The following PRKCE variants were observed in gnomAD, a reference collection of about 807,000 sequenced individuals.
The protein encoded by PRKCE is protein kinase C epsilon.
Under a neutral mutation model 85.4 loss-of-function variants are expected in PRKCE, and 16 were observed. The ratio of observed to expected loss-of-function variants is 0.19; its 90% CI spans 0.13 to 0.28. The LOEUF (loss-of-function observed/expected upper bound fraction) is 0.28. Ranked by LOEUF, PRKCE falls within the 10% of genes least tolerant of loss-of-function variation. The pLI is 1.00. For missense variants in PRKCE, 573 were observed against 975.2 expected (o/e 0.59, Z 5.49); for synonymous variants, 388 against 371.5 (o/e 1.04, Z -0.51).
At chr2:45,660,683 T>G (rs908116246) in intron 1 of PRKCE, among the ~76,000 whole-genome samples, 4 of 152,214 alleles carry the variant, frequency 2.6e-5, no homozygotes, top group African/African-American at 9.6e-5. Context: ...CCTGCAATAT[T>G]TTACATAAAT....
intron 1 of PRKCE, among the ~76,000 whole-genome samples, chr2:45,727,679 G>T (rs1681194483): frequency 6.6e-6 from 1 of 152,070 alleles, no homozygotes; most frequent in Non-Finnish European, 1.5e-5. Flanking sequence ...TTTTAAGACG[G>T]AGTCTCGCTC....
chr2:46,010,322 G>C, intron 9 of PRKCE, 22 bp from the exon 10 acceptor site: 1 of 1,577,312 alleles, frequency 6.3e-7, no homozygotes, highest in Non-Finnish European at 8.6e-7. Flanking sequence ...ATAGATTGAT[G>C]GAGGCAATTG....
At chr2:46,099,688 G>A (rs548348057) in intron 11 of PRKCE, among the ~76,000 whole-genome samples, 4 of 152,236 alleles carry the variant, frequency 2.6e-5, no homozygotes, top group African/African-American at 9.6e-5. Flanking sequence ...TGACCCTACA[G>A]AGTTTCCATA....
At chr2:45,980,146 A>T (rs1283505492) in intron 4 of PRKCE, 150 bp from the exon 5 acceptor site, 8 of 628,536 alleles carry the variant, frequency 1.3e-5, no homozygotes, top group Non-Finnish European at 2.2e-5. Context: ...AAATAGCTGT[A>T]TAAAAGACTT....
intron 1 of PRKCE, among the ~76,000 whole-genome samples, chr2:45,705,067 C>T (rs879784300): frequency 3.9e-5 from 6 of 152,220 alleles, no homozygotes; most frequent in Non-Finnish European, 8.8e-5. Context: ...AAGTTTAAAA[C>T]TTACAAATGC....
intron 11 of PRKCE, among the ~76,000 whole-genome samples, chr2:46,087,780 G>A (rs1313303816): frequency 1.3e-5 from 2 of 152,190 alleles, no homozygotes; most frequent in South Asian, 2.1e-4. Context: ...AATCAGCCAG[G>A]CTGCATTCTG....
intron 6 of PRKCE, among the ~76,000 whole-genome samples, chr2:45,987,380 C>G (rs1703416382): frequency 6.6e-6 from 1 of 152,202 alleles, no homozygotes. Flanking sequence ...AGTGTGCAGA[C>G]TTTTACTCTT....
intron 10 of PRKCE, among the ~76,000 whole-genome samples, chr2:46,024,501 C>T (rs1294412133): frequency 6.6e-6 from 1 of 152,114 alleles, no homozygotes; most frequent in Non-Finnish European, 1.5e-5. Flanking sequence ...GTATGATATT[C>T]ACCTGGGATT....
chr2:45,871,541 GTC>G (rs1329393620), intron 2 of PRKCE, among the ~76,000 whole-genome samples: 1 of 152,182 alleles, frequency 6.6e-6, no homozygotes, highest in African/African-American at 2.4e-5. Flanking sequence ...CAGAAGAGCT[GTC>G]TCTTTTCTTT....
rs1574296924 is a variant in PRKCE, at chr2:46,035,862, A to C, written c.1437+25345A>C. Among the ~76,000 whole-genome samples, 2 of 152,340 alleles carry C rather than the reference A, an allele frequency of 1.3e-5. 1 individual carries two copies. The highest frequency in any genetic ancestry group is 4.1e-4 in the South Asian group (2 of 4,832). On this transcript the variant is annotated intron_variant, in intron 10 of 14. Coordinates refer to ENST00000306156, the MANE Select transcript of PRKCE (RefSeq NM_005400.3). ...CCTAAGTCCTTGAGATCCAGCAGAG[A>C]ACAAAAGAGCTGGAAACCTGTCCTC...
chr2:45,772,711 C>T (rs897466881), intron 1 of PRKCE, among the ~76,000 whole-genome samples: 1 of 152,032 alleles, frequency 6.6e-6, no homozygotes, highest in African/African-American at 2.4e-5. Context: ...ACATGCTCAG[C>T]ACCATTTAGG....
intron 10 of PRKCE, among the ~76,000 whole-genome samples, chr2:46,018,219 G>A (rs927579948): frequency 6.6e-6 from 1 of 152,226 alleles, no homozygotes; most frequent in African/African-American, 2.4e-5. Flanking sequence ...GCTGGAGTAG[G>A]ATGAGGCCCT....
intron 6 of PRKCE, among the ~76,000 whole-genome samples, chr2:45,994,785 T>A (rs973033559): frequency 6.6e-6 from 1 of 152,212 alleles, no homozygotes; most frequent in Admixed American, 6.5e-5. Context: ...ACTCTTCACC[T>A]CATTTGGGTA....
intron 6 of PRKCE, chr2:46,000,754 T>A (rs1704613614): frequency 6.6e-6 from 1 of 152,224 alleles, no homozygotes; most frequent in African/African-American, 2.4e-5. Context: ...ATTTGTTGGT[T>A]ACAGTTACAG....
At chr2:45,879,761 C>A (rs1694746889) in intron 2 of PRKCE, among the ~76,000 whole-genome samples, 1 of 152,182 alleles carries the variant, frequency 6.6e-6, no homozygotes, top group African/African-American at 2.4e-5. Context: ...AGGGAAATTT[C>A]CTGTTTCAAT....
At chr2:45,788,496 C>T (rs4074080) in intron 1 of PRKCE, among the ~76,000 whole-genome samples, 104,295 of 152,040 alleles carry the variant, frequency 0.69, 35,959 homozygotes, top group African/African-American at 0.74. Context: ...TCTTCTCTAT[C>T]AGCACTCACT....
intron 2 of PRKCE, among the ~76,000 whole-genome samples, chr2:45,864,489 AAT>A (rs200960208): frequency 8.9e-4 from 116 of 130,506 alleles, no homozygotes; most frequent in African/African-American, 2.9e-3. Context: ...TTGTAATAGA[AAT>A]ATTTTTTTAA....
chr2:45,702,255 C>A (rs952883653), intron 1 of PRKCE, among the ~76,000 whole-genome samples: 1 of 152,130 alleles, frequency 6.6e-6, no homozygotes, highest in African/African-American at 2.4e-5. Flanking sequence ...GAGTCCTCCG[C>A]TCAGATACAG....
At chr2:45,683,489 T>TATAC (rs1240091824) in intron 1 of PRKCE, among the ~76,000 whole-genome samples, 47 of 152,272 alleles carry the variant, frequency 3.1e-4, no homozygotes, top group Non-Finnish European at 4.7e-4. Context: ...AGGAGTAAGG[T>TATAC]GCCAAGTAGT....
Sources: allele counts gnomAD v4.1 joint callset (sites outside exome capture counted in the v4.1 genomes callset), GRCh38; gene constraint gnomAD v4.1.1; transcripts MANE v1.5; gene names NCBI Gene and HGNC (gene_info 2026-07-23, HGNC 2026-07-21).